The following CSMD1 variants were observed in gnomAD, a reference collection of about 807,000 sequenced individuals.
The protein encoded by CSMD1 is CUB and sushi domain-containing protein 1.
In CSMD1, 213 loss-of-function variants were observed where a neutral mutation model predicts 417.5. The observed-to-expected ratio is 0.51, with a 90% CI of 0.46 to 0.57. CSMD1 has a LOEUF of 0.57. Ranked by LOEUF, CSMD1 falls within the 20% of genes least tolerant of loss-of-function variation. The pLI is 0.00. For synonymous variants in CSMD1, 2,862 were observed against 1,736.8 expected (o/e 1.65, Z -16.11); for missense variants, 6,923 against 4,529.7 (o/e 1.53, Z -15.17).
intron 9 of CSMD1, among the ~76,000 whole-genome samples, chr8:3,583,945 A>G (rs1468782645): frequency 6.6e-6 from 1 of 151,792 alleles, no homozygotes; most frequent in African/African-American, 2.4e-5. Flanking sequence ...CAAGATGGAG[A>G]AACGATTATC....
Position 3,027,571 on chromosome 8 carries a change from G to A in CSMD1, c.7855+1748C>T, listed in dbSNP as rs181148832. On this transcript the variant is annotated intron_variant, in intron 51 of 69. Transcript: ENST00000635120. ...ACTCTGGAAAATGCCACGTGTACAC[G>A]ATGACATTCAAGGGACAAATAGCAA... Among the ~76,000 whole-genome samples the A allele has an allele frequency of 2.3e-3, 348 of 152,290 alleles. 1 individual carries two copies. The highest frequency in any genetic ancestry group is 3.5e-3 in the Non-Finnish European group (235 of 68,026).
In CSMD1 at chr8:4,308,298, T is replaced by C. The variant is rs150382415; in HGVS notation, c.415+111655A>G. ...GTATAGTTGATGGTGTGTGTGAAGT[T>C]TGAAGTGTATGTGTGGGGTGGTGTA... On this transcript the variant is annotated intron_variant, in intron 3 of 69. Transcript: ENST00000635120. Among the ~76,000 whole-genome samples, 3 of 152,046 alleles carry C rather than the reference T, an allele frequency of 2.0e-5. No homozygotes were observed. In the East Asian group the frequency reaches 5.8e-4, roughly 29 times the overall value.
At chr8:3,063,006 A>C (rs141767127) in intron 49 of CSMD1, among the ~76,000 whole-genome samples, 1,829 of 152,324 alleles carry the variant, frequency 0.012, 41 homozygotes, top group African/African-American at 0.041. Context: ...GTAAAGTGAC[A>C]CTGCTGTGTG....
At chr8:4,333,647 C>G (rs1799999041) in intron 3 of CSMD1, among the ~76,000 whole-genome samples, 1 of 152,100 alleles carries the variant, frequency 6.6e-6, no homozygotes, top group Admixed American at 6.6e-5. Flanking sequence ...TCTAGACACA[C>G]TGAGAACACA....
chr8:3,830,436 C>G (rs1198609321), intron 5 of CSMD1, among the ~76,000 whole-genome samples: 3 of 152,214 alleles, frequency 2.0e-5, no homozygotes, highest in Non-Finnish European at 4.4e-5. Context: ...TATACGTTGA[C>G]TACTGTGATT....
chr8:4,187,570 G>A (rs538678279), intron 3 of CSMD1, among the ~76,000 whole-genome samples: 22 of 150,866 alleles, frequency 1.5e-4, no homozygotes, highest in Admixed American at 9.3e-4. Flanking sequence ...CCTGAACCCA[G>A]GAGGCTAATG....
chr8:3,628,342 G>A (rs1054970800), intron 7 of CSMD1, among the ~76,000 whole-genome samples: 7 of 152,108 alleles, frequency 4.6e-5, no homozygotes, highest in Non-Finnish European at 8.8e-5. Context: ...TGCCCACACC[G>A]GCCGAGGGTG....
chr8:3,863,411 A>AT (rs1804860544), intron 5 of CSMD1, among the ~76,000 whole-genome samples: 1 of 151,390 alleles, frequency 6.6e-6, no homozygotes, highest in South Asian at 2.1e-4. Flanking sequence ...AAAAAAAAAA[A>AT]AAAGTGCTAA....
intron 1 of CSMD1, among the ~76,000 whole-genome samples, chr8:4,809,029 T>A (rs1026485626): frequency 6.6e-6 from 1 of 152,202 alleles, no homozygotes; most frequent in African/African-American, 2.4e-5. Flanking sequence ...CTTGCCGAGT[T>A]TTACTTTCCA....
In CSMD1 at chr8:3,217,346, C is replaced by G. The variant is rs554548794; in HGVS notation, c.4672+1909G>C. ...TAGATGGCCATACCGGTTACCCAAA[C>G]AAAAATTAAGGAAGTTCTTTCTTCA... On this transcript the variant is annotated intron_variant, in intron 29 of 69. Coordinates refer to ENST00000635120, the MANE Select transcript of CSMD1 (RefSeq NM_033225.6). Among the ~76,000 whole-genome samples, 7 of 152,334 alleles carry G rather than the reference C, an allele frequency of 4.6e-5. No homozygotes were observed. In the East Asian group the frequency reaches 9.6e-4, roughly 21 times the overall value.
chr8:4,150,198 T>A lies in CSMD1; in HGVS notation c.416-118099A>T, dbSNP rs115325556. 8.8e-3 allele frequency among the ~76,000 whole-genome samples: 1,340 copies of A among 152,322 alleles called. 22 individuals carry two copies. The highest frequency in any genetic ancestry group is 0.031 in the African/African-American group (1,285 of 41,562). The stretch of plus-strand genomic sequence containing the variant: ...ATGTCCTGAGGCATCTGTCTTGTAG[T>A]CACAGGATCGGCCCCAGGAAAACAG... On this transcript the variant is annotated intron_variant, in intron 3 of 69. Transcript: ENST00000635120.
chr8:4,550,246 T>C (rs1343964578), intron 2 of CSMD1, among the ~76,000 whole-genome samples: 1 of 151,874 alleles, frequency 6.6e-6, no homozygotes, highest in African/African-American at 2.4e-5. Flanking sequence ...CACTTTTGCT[T>C]CTCATTTCCA....
chr8:4,784,282 C>G (rs1346241602), intron 1 of CSMD1, among the ~76,000 whole-genome samples: 1 of 152,204 alleles, frequency 6.6e-6, no homozygotes, highest in African/African-American at 2.4e-5. Flanking sequence ...TCCTCTAGTT[C>G]TATAACTAAA....
chr8:3,169,297 G>A (rs962493611), intron 37 of CSMD1, among the ~76,000 whole-genome samples: 1 of 152,032 alleles, frequency 6.6e-6, no homozygotes, highest in African/African-American at 2.4e-5. Context: ...TTTTTGATAG[G>A]AGACCACAGT....
At chr8:3,171,453 T>C (rs1285940686) in intron 37 of CSMD1, among the ~76,000 whole-genome samples, 3 of 152,194 alleles carry the variant, frequency 2.0e-5, no homozygotes, top group Admixed American at 1.3e-4. Context: ...TCTAGAGCCT[T>C]GATCAAAAGT....
chr8:4,918,125 G>A (rs1030367199), intron 1 of CSMD1, among the ~76,000 whole-genome samples: 1 of 152,084 alleles, frequency 6.6e-6, no homozygotes, highest in African/African-American at 2.4e-5. Context: ...TTACAAAACT[G>A]CCCCCTGAAA....
At chr8:4,575,842 T>C (rs1405047727) in intron 2 of CSMD1, among the ~76,000 whole-genome samples, 1 of 152,206 alleles carries the variant, frequency 6.6e-6, no homozygotes, top group South Asian at 2.1e-4. Flanking sequence ...GACTAGATCA[T>C]CTCAGTCGCC....
At chr8:4,363,041 C>A (rs1339644820) in intron 3 of CSMD1, among the ~76,000 whole-genome samples, 6 of 152,146 alleles carry the variant, frequency 3.9e-5, no homozygotes, top group Admixed American at 3.3e-4. Flanking sequence ...TCTGCTACTA[C>A]GGAAGGGAGA....
At chr8:4,868,717 G>A (rs1436109237) in intron 1 of CSMD1, among the ~76,000 whole-genome samples, 1 of 151,794 alleles carries the variant, frequency 6.6e-6, no homozygotes, top group Non-Finnish European at 1.5e-5. Flanking sequence ...ATTTGATGCG[G>A]TACCAGTTAG....
Sources: gnomAD v4.1 joint callset for allele counts (sites outside exome capture counted in the v4.1 genomes callset) on GRCh38, gnomAD v4.1.1 for gene constraint, MANE v1.5 for transcripts, NCBI Gene and HGNC (gene_info 2026-07-23, HGNC 2026-07-21) for gene names.